Variants in TEX11 observed in about 807,000 individuals in gnomAD.
TEX11 encodes the protein testis-expressed protein 11.
TEX11 carries 7 observed loss-of-function variants against 84.4 expected under a neutral mutation model. The observed-to-expected ratio is 0.08, with a 90% CI of 0.05 to 0.16. TEX11 has a LOEUF of 0.16. Ranked by LOEUF, TEX11 falls within the 10% of genes least tolerant of loss-of-function variation. The probability of loss-of-function intolerance (pLI) is 1.00; values close to 1 mark genes in which losing one functional copy is unlikely to be tolerated. For synonymous variants in TEX11, 264 were observed against 222.8 expected, an observed-to-expected ratio of 1.18 and a Z score of -1.64; for missense variants, 551 against 660.5, an observed-to-expected ratio of 0.83 and a Z score of 1.82.
intron 2 of TEX11, among the ~76,000 whole-genome samples, chrX:70,882,987 C>G (rs1225686719): frequency 1.8e-5 from 2 of 111,814 alleles, no homozygotes; most frequent in African/African-American, 6.5e-5. Flanking sequence ...TTCACCGACA[C>G]CAGCTGAGGC....
chrX:70,677,145 G>A (rs998362914), intron 15 of TEX11, among the ~76,000 whole-genome samples: 14 of 111,974 alleles, frequency 1.3e-4, no homozygotes, highest in Admixed American at 1.9e-4. Context: ...GTTGGGTGCT[G>A]TACAGTTTTA....
intron 5 of TEX11, among the ~76,000 whole-genome samples, chrX:70,855,825 C>T (rs1470571048): frequency 9.0e-6 from 1 of 111,238 alleles, no homozygotes; most frequent in Non-Finnish European, 1.9e-5. Context: ...TGTGAGAGGA[C>T]ACAGCAAGAA....
intron 2 of TEX11, among the ~76,000 whole-genome samples, chrX:70,907,303 G>C (rs913580969): frequency 1.8e-5 from 2 of 111,508 alleles, no homozygotes; most frequent in African/African-American, 6.5e-5. Flanking sequence ...TTCATAAAAA[G>C]GTTCCCAATG....
chrX:70,585,832 C>T (rs1461172891), intron 25 of TEX11, among the ~76,000 whole-genome samples: 1 of 112,280 alleles, frequency 8.9e-6, no homozygotes, highest in African/African-American at 3.2e-5. Context: ...GTGGGTGGAT[C>T]ACCTGAGGTC....
At chrX:70,566,354 G>C (rs2088477656) in intron 25 of TEX11, among the ~76,000 whole-genome samples, 1 of 103,609 alleles carries the variant, frequency 9.7e-6, no homozygotes, top group Admixed American at 1.1e-4. Flanking sequence ...CTGCAAACAG[G>C]GACAATTTGA....
intron 9 of TEX11, among the ~76,000 whole-genome samples, chrX:70,779,560 C>A (rs2091024390): frequency 9.2e-6 from 1 of 108,949 alleles, no homozygotes; most frequent in Non-Finnish European, 1.9e-5. Flanking sequence ...AAGATCAGAG[C>A]AGAAATGAAT....
chrX:70,855,730 C>A (rs1321172708), intron 5 of TEX11, among the ~76,000 whole-genome samples: 1 of 110,983 alleles, frequency 9.0e-6, no homozygotes, highest in African/African-American at 3.3e-5. Flanking sequence ...GGGCCCTAAT[C>A]TCATCTGACT....
intron 17 of TEX11, among the ~76,000 whole-genome samples, chrX:70,636,982 G>C: frequency 9.0e-6 from 1 of 111,561 alleles, no homozygotes; most frequent in Middle Eastern, 4.6e-3. Flanking sequence ...TATAGAATGG[G>C]AGAAAATTTT....
chrX:70,560,212 G>T (rs1013684628), intron 25 of TEX11, among the ~76,000 whole-genome samples: 5 of 108,637 alleles, frequency 4.6e-5, no homozygotes, highest in Admixed American at 2.0e-4. Context: ...GTGCAAAGGC[G>T]TGATTTCAGC....
chrX:70,808,052 C>T (rs1331416720), intron 8 of TEX11, among the ~76,000 whole-genome samples: 2 of 83,077 alleles, frequency 2.4e-5, no homozygotes, highest in African/African-American at 1.0e-4. Flanking sequence ...TGCAGTAAGC[C>T]GAGATCGTGC....
At chrX:70,706,358 A>G (rs1487537461) in intron 13 of TEX11, among the ~76,000 whole-genome samples, 1 of 110,255 alleles carries the variant, frequency 9.1e-6, no homozygotes, top group Admixed American at 9.7e-5. Flanking sequence ...CCTAATGTAA[A>G]TGACGAGTTA....
chrX:70,540,340 A>G (rs1369224667), intron 28 of TEX11, among the ~76,000 whole-genome samples: 1 of 112,071 alleles, frequency 8.9e-6, no homozygotes, highest in Non-Finnish European at 1.9e-5. Context: ...AGTGGCGTTA[A>G]GTACATTCAC....
At position 70,807,013 on chromosome X, in the gene TEX11, C is replaced by G. The variant is rs58327481; in HGVS notation, c.607-223G>C. Among the ~76,000 whole-genome samples the G allele has an allele frequency of 1.5e-3, 166 of 112,347 alleles. 6 individuals are homozygous for G. The East Asian group carries it at 0.045, about 30-fold the overall frequency. On this transcript the variant is annotated intron_variant, in intron 8 of 29. Coordinates refer to ENST00000374333, the MANE Select transcript of TEX11 (RefSeq NM_031276.3). Reference sequence around the variant, plus strand: ...ACTTCTCAATTTGTATAAAGAAGAACTGCAAAACATTCAGGTTGGAGAATT... The same window carrying G: ...ACTTCTCAATTTGTATAAAGAAGAAGTGCAAAACATTCAGGTTGGAGAATT...
intron 13 of TEX11, among the ~76,000 whole-genome samples, chrX:70,689,232 G>A (rs1210523733): frequency 9.0e-6 from 1 of 110,880 alleles, no homozygotes; most frequent in Non-Finnish European, 1.9e-5. Context: ...AATAACTTAC[G>A]TTTAACTTAA....
intron 24 of TEX11, among the ~76,000 whole-genome samples, chrX:70,604,216 A>G (rs897207507): frequency 8.9e-6 from 1 of 112,098 alleles, no homozygotes; most frequent in Admixed American, 9.4e-5. Context: ...AGGATTACCA[A>G]CCAAAAAGGA....
At chrX:70,547,948 T>A (rs1245561061) in intron 28 of TEX11, among the ~76,000 whole-genome samples, 2 of 112,012 alleles carry the variant, frequency 1.8e-5, no homozygotes, top group Non-Finnish European at 3.8e-5. Context: ...TAAATCATGC[T>A]GCTATAAAGA....
At chrX:70,882,948 A>G (rs1339852480) in intron 2 of TEX11, among the ~76,000 whole-genome samples, 1 of 112,020 alleles carries the variant, frequency 8.9e-6, no homozygotes, top group Non-Finnish European at 1.9e-5. Context: ...CTTTCAAAAC[A>G]TATTTTCAGT....
chrX:70,763,690 T>G (rs1040194498), intron 9 of TEX11, among the ~76,000 whole-genome samples: 1 of 111,155 alleles, frequency 9.0e-6, no homozygotes, highest in African/African-American at 3.3e-5. Flanking sequence ...GTGCTGATAT[T>G]TATATCACAC....
intron 9 of TEX11, among the ~76,000 whole-genome samples, chrX:70,777,747 T>C (rs1310476874): frequency 9.0e-6 from 1 of 110,529 alleles, no homozygotes. Flanking sequence ...ATATTATAGC[T>C]GATACACACA....
Sources: allele counts gnomAD v4.1 joint callset (sites outside exome capture counted in the v4.1 genomes callset), GRCh38; gene constraint gnomAD v4.1.1; transcripts MANE v1.5; gene names NCBI Gene and HGNC (gene_info 2026-07-23, HGNC 2026-07-21).